Variants in TRIML2 observed in about 807,000 individuals in gnomAD.
TRIML2 encodes the protein tripartite motif family like 2, also known as probable E3 ubiquitin-protein ligase TRIML2.
TRIML2 carries 28 observed loss-of-function variants against 31.2 expected under a neutral mutation model. The ratio of observed to expected loss-of-function variants is 0.90; its 90% confidence interval spans 0.66 to 1.23. The LOEUF (loss-of-function observed/expected upper bound fraction) is 1.23. Among genes scored for constraint, TRIML2 ranks in the 50% most tolerant of loss-of-function variants. TRIML2 has a pLI of 0.00. For missense variants in TRIML2, 536 were observed against 528.3 expected, an observed-to-expected ratio of 1.01 and a Z score of -0.14; for synonymous variants, 187 against 197.5, an observed-to-expected ratio of 0.95 and a Z score of 0.45.
intron 3 of TRIML2, among the ~76,000 whole-genome samples, chr4:188,103,695 A>G (rs1733904850): frequency 6.6e-6 from 1 of 152,180 alleles, no homozygotes; most frequent in African/African-American, 2.4e-5. Flanking sequence ...CCCAGGTAAC[A>G]TACTATATAT....
intron 3 of TRIML2, among the ~76,000 whole-genome samples, chr4:188,102,391 C>G (rs947310881): frequency 1.3e-5 from 2 of 151,938 alleles, no homozygotes; most frequent in Non-Finnish European, 2.9e-5. Context: ...GAGGAGTGTG[C>G]GTTAGCTCGG....
Position 188,091,620 on chromosome 4 carries a change from G to C in TRIML2, c.1067C>G (p.Pro356Arg), listed in dbSNP as rs763443025. ...TTCCAGGAAGAGCCTTTTCAGAGGG[G>C]GGAAGACCCAGAGAGTCCACTCGGT... is the stretch of plus-strand genomic sequence containing the variant. ...MGTEWTLWVF[P>R]PLKRLFLEKK... The change falls in exon 8 of 8, where the codon CCC becomes CGC. Residue 356 changes from proline to arginine, a missense_variant. By Grantham distance (103) the Pro-to-Arg change is moderately radical (BLOSUM62 -2). Transcript: ENST00000682553. 6.2e-7 allele frequency: 1 copy of C among 1,614,154 alleles called. No individual in the cohort carries two copies. Among genetic ancestry groups the C allele is most frequent in the Non-Finnish European group, 8.5e-7 (1 of 1,180,028 alleles).
In TRIML2 at chr4:188,097,142, C is replaced by G; in HGVS notation, c.664G>C (p.Glu222Gln). ...SLERSKSLLL[E>Q]HLEPAHITDL... ...GTGATATGAGCGGGCTCCAGATGCT[C>G]AAGCAGCAGTGACTTGCTCCTGAAG... Residue 222 changes from glutamate (E) to glutamine (Q), a missense_variant, in exon 7 of 8, where the codon GAG (glutamate) becomes CAG (glutamine). Glu to Gln is a conservative substitution (Grantham distance 29). Transcript: ENST00000682553. 2 of 1,614,078 alleles carry G rather than the reference C, an allele frequency of 1.2e-6. No homozygotes were observed. Among genetic ancestry groups the G allele is most frequent in the Non-Finnish European group, 1.7e-6 (2 of 1,179,970 alleles).
chr4:188,094,702 C>G (rs551574980), intron 7 of TRIML2, among the ~76,000 whole-genome samples: 1 of 152,270 alleles, frequency 6.6e-6, no homozygotes, highest in East Asian at 1.9e-4. Context: ...GATGTCAATT[C>G]TCCCCAAACT....
intron 7 of TRIML2, among the ~76,000 whole-genome samples, chr4:188,093,528 G>C (rs1404292062): frequency 6.6e-6 from 1 of 152,020 alleles, no homozygotes; most frequent in Admixed American, 6.6e-5. Flanking sequence ...AGCCAGGCCT[G>C]GTGGCGGCCT....
At chr4:188,108,213 C>G (rs1266783172) in intron 1 of TRIML2, among the ~76,000 whole-genome samples, 1 of 152,092 alleles carries the variant, frequency 6.6e-6, no homozygotes, top group African/African-American at 2.4e-5. Flanking sequence ...CCTGGTCTCT[C>G]CCTAGGTAAT....
At chr4:188,100,245 C>T (rs188463512) in intron 4 of TRIML2, among the ~76,000 whole-genome samples, 6 of 152,180 alleles carry the variant, frequency 3.9e-5, no homozygotes, top group South Asian at 2.1e-4. Context: ...GAACAAGACA[C>T]GATTTAATAA....
At chr4:188,104,099 G>C (rs944336250) in intron 3 of TRIML2, among the ~76,000 whole-genome samples, 2 of 152,050 alleles carry the variant, frequency 1.3e-5, no homozygotes, top group African/African-American at 2.4e-5. Context: ...CTCTTTAAAG[G>C]GTTTTAGAAT....
intron 7 of TRIML2, among the ~76,000 whole-genome samples, chr4:188,094,090 C>CAAAAAA (rs750066436): frequency 3.7e-4 from 42 of 112,706 alleles, no homozygotes; most frequent in Non-Finnish European, 4.3e-4. Flanking sequence ...GACAGCATCT[C>CAAAAAA]AAAAAACAAA....
At chr4:188,093,001 T>G in intron 7 of TRIML2, 1 of 391,136 alleles carries the variant, frequency 2.6e-6, no homozygotes, top group Non-Finnish European at 5.1e-6. Flanking sequence ...TTCTCTGTGT[T>G]TGTGACTCGC....
chr4:188,103,005 G>GT (rs145048322), intron 3 of TRIML2, among the ~76,000 whole-genome samples: 2,979 of 97,648 alleles, frequency 0.031, 17 homozygotes, highest in East Asian at 0.054. Context: ...TACTCTCTTG[G>GT]TTTTTTTTTT....
In TRIML2 at chr4:188,105,189, C is replaced by G. The variant is rs1171778385; in HGVS notation, c.180G>C (p.Glu60Asp). The change falls in exon 2 of 8, where the codon GAG (glutamate) becomes GAC (aspartate). Residue 60 changes from glutamate (E) to aspartate (D), a missense_variant. Transcript: ENST00000682553. Reference sequence around the variant, plus strand: ...CGTGAGTGACTCTTACCCTGTAATTCTCAGCAGCCTCTTGTATCCCACACA... The same window carrying G: ...CGTGAGTGACTCTTACCCTGTAATTGTCAGCAGCCTCTTGTATCCCACACA... Reference protein sequence around the residue: ...HMVCGIQEAAENYRKLFQEIL... With the variant: ...HMVCGIQEAADNYRKLFQEIL... The G allele has an allele frequency of 3.8e-6, 6 of 1,596,818 alleles. No homozygotes were observed. The highest frequency in any genetic ancestry group is 5.1e-6 in the Non-Finnish European group (6 of 1,165,384).
chr4:188,092,342 A>G (rs1241579824), intron 7 of TRIML2, among the ~76,000 whole-genome samples: 1 of 152,056 alleles, frequency 6.6e-6, no homozygotes, highest in African/African-American at 2.4e-5. Context: ...GGCGCCTGTA[A>G]TCCCAGCTAC....
intron 7 of TRIML2, among the ~76,000 whole-genome samples, chr4:188,095,093 G>T (rs775234928): frequency 2.0e-5 from 3 of 152,086 alleles, no homozygotes; most frequent in African/African-American, 4.8e-5. Flanking sequence ...AATAGAAGGT[G>T]GGGGGAGGAG....
chr4:188,092,771 C>A (rs1282706915), intron 7 of TRIML2: 1 of 454,638 alleles, frequency 2.2e-6, no homozygotes, highest in African/African-American at 2.0e-5. Flanking sequence ...CCTGTGTGGA[C>A]CCTCCAGAAA....
chr4:188,101,485 G>A (rs909699391), intron 3 of TRIML2, among the ~76,000 whole-genome samples: 8 of 151,824 alleles, frequency 5.3e-5, no homozygotes, highest in Admixed American at 2.0e-4. Flanking sequence ...CACGAGGTCA[G>A]GAGATCGAGA....
intron 7 of TRIML2, among the ~76,000 whole-genome samples, chr4:188,095,884 C>T (rs4861766): frequency 1 from 152,345 of 152,346 alleles, 76,172 homozygotes; most frequent in Middle Eastern, 1. Context: ...TACTGATACA[C>T]GAAGCAGCCT....
At chr4:188,095,402 T>C (rs1733460495) in intron 7 of TRIML2, among the ~76,000 whole-genome samples, 1 of 152,102 alleles carries the variant, frequency 6.6e-6, no homozygotes, top group Non-Finnish European at 1.5e-5. Context: ...AAACAGAACA[T>C]ATAAAGAAAT....
At chr4:188,097,216 A>G in intron 6 of TRIML2, 55 bp from the exon 7 acceptor site, 2 of 1,592,112 alleles carry the variant, frequency 1.3e-6, no homozygotes, top group Non-Finnish European at 1.7e-6. Flanking sequence ...CCCTTAGTCT[A>G]CTGGATGGAT....
Sources: allele counts gnomAD v4.1 joint callset (sites outside exome capture counted in the v4.1 genomes callset), GRCh38; gene constraint gnomAD v4.1.1; transcripts MANE v1.5; gene names NCBI Gene and HGNC (gene_info 2026-07-23, HGNC 2026-07-21).